C17orf78: variants seen among roughly 807,000 people sequenced by gnomAD.
C17orf78 encodes chromosome 17 open reading frame 78.
Under a neutral mutation model 31.8 loss-of-function variants are expected in C17orf78, and 27 were observed. That is an observed-to-expected ratio of 0.85 (90% CI 0.63 to 1.17). The LOEUF (loss-of-function observed/expected upper bound fraction) is 1.17. C17orf78 is among the 50% of genes most tolerant of loss of function. C17orf78 has a pLI of 0.00. For synonymous variants in C17orf78, 106 were observed against 115.1 expected (o/e 0.92, Z 0.51); for missense variants, 258 against 315.2 (o/e 0.82, Z 1.37).
chr17:37,376,247 C>A lies in C17orf78; in HGVS notation c.58+97C>A, dbSNP rs116383361. ...CACCAGATAGAGATGTAGCTGATAT[C>A]CAGCAAGCAATACTTTCCAGAGTTA... On this transcript the variant is annotated intron_variant, in intron 1 of 6. Coordinates refer to ENST00000615133, the MANE Select transcript of C17orf78 (RefSeq NM_173625.5). The A allele has an allele frequency of 4.3e-3, 4,354 of 1,018,834 alleles. 115 individuals carry two copies. In the African/African-American group the frequency reaches 0.06, roughly 14 times the overall value. The allele number at this position is 1,018,834 out of a possible 1,614,324, so 63.1% of individuals were successfully genotyped here.
rs749968624 is a variant in C17orf78 at position 37,377,791 on chromosome 17, C to A, written c.59-88C>A. The A allele has an allele frequency of 3.2e-5, 34 of 1,068,484 alleles. 1 individual carries two copies. Among genetic ancestry groups the A allele is most frequent in the Non-Finnish European group, 4.8e-5 (34 of 709,586 alleles). The allele number at this position is 1,068,484 out of a possible 1,614,324, so 66.2% of individuals were successfully genotyped here. ...GCAATCTTTCATATCTTCTCCATTG[C>A]CCAGAATTCTAAAAAGTAAGTACCA... On this transcript the variant is annotated intron_variant, in intron 1 of 6. Coordinates refer to ENST00000615133, the MANE Select transcript of C17orf78 (RefSeq NM_173625.5).
At chr17:37,388,990 C>T (rs2050672472) in intron 5 of C17orf78, among the ~76,000 whole-genome samples, 196 bp downstream of exon 5, 1 of 152,176 alleles carries the variant, frequency 6.6e-6, no homozygotes, top group East Asian at 1.9e-4. Flanking sequence ...TAAAATAAGT[C>T]TCATGATATT....
chr17:37,388,126 C>T (rs1166130154), intron 4 of C17orf78, among the ~76,000 whole-genome samples: 2 of 152,116 alleles, frequency 1.3e-5, no homozygotes, highest in Admixed American at 1.3e-4. Flanking sequence ...GATTGTGCCA[C>T]TGCATGCCAG....
At position 37,377,943 on chromosome 17, in the gene C17orf78, C is replaced by T. The variant is rs115769878; in HGVS notation, c.123C>T (p.Ser41=). The T allele has an allele frequency of 2.4e-5, 39 of 1,613,648 alleles. No homozygotes were observed. The African/African-American group carries it at 4.8e-4, about 20-fold the overall frequency. ...GGATCTTCCCAAAAGACGTGAGAAG[C>T]ATCAGAGAATTGCAAATGCAAGGTA... is the stretch of plus-strand genomic sequence containing the variant. ...LPGIFPKDVR[S]IRELQMQETH... Residue 41 remains serine (S), a synonymous_variant, in exon 2 of 7, where the codon AGC becomes AGT. Transcript: ENST00000615133.
intron 4 of C17orf78, 137 bp downstream of exon 4, chr17:37,386,262 A>G: frequency 1.6e-6 from 1 of 607,840 alleles, no homozygotes; most frequent in Non-Finnish European, 2.8e-6. Context: ...TACTGAATGT[A>G]CATTGAAAAA....
At position 37,388,706 on chromosome 17, in the gene C17orf78, G is replaced by A. The variant is rs1417733892; in HGVS notation, c.545G>A (p.Ser182Asn). The A allele has an allele frequency of 2.5e-6, 4 of 1,612,070 alleles. No homozygotes were observed. The highest frequency in any genetic ancestry group is 3.3e-5 in the Admixed American group (2 of 59,836). ...AACCTAGAGAAGAGACAGAAATGGA[G>A]TATTGTGGTCAAAATTCTGATTGCT... ...DENLEKRQKWSIVVKILIAVT... is the reference protein window; with the variant it reads ...DENLEKRQKWNIVVKILIAVT... The change falls in exon 5 of 7, where the codon AGT becomes AAT. Residue 182 changes from serine (S) to asparagine (N), a missense_variant. Coordinates refer to ENST00000615133, the MANE Select transcript of C17orf78 (RefSeq NM_173625.5).
intron 3 of C17orf78, among the ~76,000 whole-genome samples, chr17:37,381,846 C>G (rs1297944887): frequency 6.6e-6 from 1 of 150,390 alleles, no homozygotes; most frequent in Non-Finnish European, 1.5e-5. Context: ...CCAGGATGGT[C>G]TCGATCGCCT....
At chr17:37,379,414 C>T (rs745697356) in intron 3 of C17orf78, 32 bp downstream of exon 3, 1 of 1,601,946 alleles carries the variant, frequency 6.2e-7, no homozygotes, top group Non-Finnish European at 8.5e-7. Context: ...GGGGCAGGCA[C>T]TAACTTTTAG....
rs558488633 is a variant in C17orf78, at chr17:37,379,063, C to T, written c.146-74C>T. On this transcript the variant is annotated intron_variant, in intron 2 of 6. Coordinates refer to ENST00000615133, the MANE Select transcript of C17orf78 (RefSeq NM_173625.5). ...CTCCAGCTTGGGTGACAGAGCAAGGCACCGTCTCAAAAAAACCAACCAAAC... is the reference window on the plus strand; with the variant it reads ...CTCCAGCTTGGGTGACAGAGCAAGGTACCGTCTCAAAAAAACCAACCAAAC... The T allele has an allele frequency of 5.4e-6, 8 of 1,485,144 alleles. No individual in the cohort carries two copies. The African/African-American group carries it at 8.4e-5, about 16-fold the overall frequency. 92.0% of individuals were successfully genotyped at this position (1,485,144 alleles called of 1,614,324 possible).
Position 37,376,137 on chromosome 17 carries a change from T to C in C17orf78, c.45T>C (p.Asp15=). Residue 15 remains aspartate, a synonymous_variant, in exon 1 of 7, where the codon GAT becomes GAC. Coordinates refer to ENST00000615133, the MANE Select transcript of C17orf78 (RefSeq NM_173625.5). ...TCAGCCTAATCATTGCATCCTATGA[T>C]GCCAACAAGAAAGGTATGTAATTCT... ...LVFSLIIASY[D]ANKKDLRDSS... 3 of 1,612,054 alleles carry C rather than the reference T, an allele frequency of 1.9e-6. No homozygotes were observed. The highest frequency in any genetic ancestry group is 2.5e-6 in the Non-Finnish European group (3 of 1,178,162).
rs533696796 is a variant in C17orf78 at position 37,377,376 on chromosome 17, G to A, written c.59-503G>A. Among the ~76,000 whole-genome samples the A allele has an allele frequency of 6.6e-5, 10 of 151,964 alleles. No individual in the cohort carries two copies. In the South Asian group the frequency reaches 2.1e-3, roughly 32 times the overall value. ...TATTTGGCTGGGTGTTCTTTTTTGA[G>A]GGCCGGGCGTGGTGGCTCACACCTG... is the stretch of plus-strand genomic sequence containing the variant. On this transcript the variant is annotated intron_variant, in intron 1 of 6. Coordinates refer to ENST00000615133, the MANE Select transcript of C17orf78 (RefSeq NM_173625.5).
chr17:37,392,651 T>C lies in C17orf78; in HGVS notation c.*927T>C, dbSNP rs1450112021. The C allele has an allele frequency of 1.3e-5, 2 of 151,972 alleles. No individual in the cohort carries two copies. Among genetic ancestry groups the C allele is most frequent in the Non-Finnish European group, 2.9e-5 (2 of 68,010 alleles). 9.4% of individuals were successfully genotyped at this position (151,972 alleles called of 1,614,324 possible). A position where few individuals can be genotyped will look rare whatever the true frequency, so the allele number is the denominator to read the frequency against. ...CTGTTTCTAAGAAATTCTGTTTTCTTAGTTCTCTGGTTAAAAAAAAAAATA... is the reference window on the plus strand; with the variant it reads ...CTGTTTCTAAGAAATTCTGTTTTCTCAGTTCTCTGGTTAAAAAAAAAAATA... On this transcript the variant is annotated 3_prime_UTR_variant, in exon 7 of 7. Transcript: ENST00000615133.
chr17:37,384,249 T>C (rs2050430279), intron 3 of C17orf78, among the ~76,000 whole-genome samples: 1 of 152,208 alleles, frequency 6.6e-6, no homozygotes, highest in Non-Finnish European at 1.5e-5. Context: ...GGTGAGAATG[T>C]TCTGCAATAC....
intron 5 of C17orf78, 110 bp downstream of exon 5, chr17:37,388,904 A>G (rs930063563): frequency 7.2e-7 from 1 of 1,385,598 alleles, no homozygotes; most frequent in Non-Finnish European, 9.9e-7. Flanking sequence ...ATTTGAGGAG[A>G]TGTGCCACTC....
rs985381979 is a variant in C17orf78 at position 37,381,862 on chromosome 17, T to C, written c.391+2480T>C. 1.0e-3 allele frequency among the ~76,000 whole-genome samples: 155 copies of C among 150,740 alleles called. 1 individual carries two copies. Among genetic ancestry groups the C allele is most frequent in the African/African-American group, 3.4e-3 (139 of 40,662 alleles). On this transcript the variant is annotated intron_variant, in intron 3 of 6. Coordinates refer to ENST00000615133, the MANE Select transcript of C17orf78 (RefSeq NM_173625.5). ...CAGGATGGTCTCGATCGCCTGACCT[T>C]GTGATCTGCCCGCCTTGGCCTCCCA...
chr17:37,382,767 G>A (rs1284838582), intron 3 of C17orf78, among the ~76,000 whole-genome samples: 1 of 152,214 alleles, frequency 6.6e-6, no homozygotes, highest in Non-Finnish European at 1.5e-5. Flanking sequence ...GGCTGAGACA[G>A]AAGAATAGCT....
chr17:37,392,127 C>CTTAGAGTGGGA lies in C17orf78; in HGVS notation c.*403_*404insTTAGAGTGGGA, dbSNP rs1401598840. 1 of 184,724 alleles carries CTTAGAGTGGGA rather than the reference C, an allele frequency of 5.4e-6. No individual in the cohort carries two copies. Among genetic ancestry groups the CTTAGAGTGGGA allele is most frequent in the Non-Finnish European group, 1.1e-5 (1 of 87,444 alleles). 11.4% of individuals were successfully genotyped at this position (184,724 alleles called of 1,614,324 possible). A position where few individuals can be genotyped will look rare whatever the true frequency, so the allele number is the denominator to read the frequency against. ...TCACAGCTGACTTCACACTCACTGGCCCTCAATAGCTTAGAGTGGGACTCC... is the reference window on the plus strand; with the variant it reads ...TCACAGCTGACTTCACACTCACTGGCTTAGAGTGGGACCTCAATAGCTTAGAGTGGGACTCC... On this transcript the variant is annotated 3_prime_UTR_variant, in exon 7 of 7. Transcript: ENST00000615133.
chr17:37,388,598 A>T (rs1478905465), intron 4 of C17orf78, 72 bp from the exon 5 acceptor site: 20 of 1,507,832 alleles, frequency 1.3e-5, no homozygotes, highest in Non-Finnish European at 1.7e-5. Flanking sequence ...GAAGAACTTC[A>T]GGTCAAAGGA....
intron 2 of C17orf78, among the ~76,000 whole-genome samples, 190 bp from the exon 3 acceptor site, chr17:37,378,947 T>C (rs1278007013): frequency 6.6e-6 from 1 of 152,016 alleles, no homozygotes; most frequent in Non-Finnish European, 1.5e-5. Context: ...TGTAGTCCCA[T>C]AGTCACAGCT....
Sources: allele counts gnomAD v4.1 joint callset (sites outside exome capture counted in the v4.1 genomes callset), GRCh38; gene constraint gnomAD v4.1.1; transcripts MANE v1.5; gene names NCBI Gene and HGNC (gene_info 2026-07-23, HGNC 2026-07-21).